Variants in PPP1CA observed in about 807,000 individuals in gnomAD.
PPP1CA encodes serine/threonine-protein phosphatase PP1-alpha catalytic subunit.
PPP1CA carries 14 observed loss-of-function variants against 38.5 expected under a neutral mutation model. The ratio of observed to expected loss-of-function variants is 0.36; its 90% CI spans 0.24 to 0.57. The LOEUF is 0.57. Among genes scored for constraint, PPP1CA ranks in the 20% least tolerant of loss-of-function variants. PPP1CA has a pLI of 0.80. For missense variants in PPP1CA, 277 were observed against 435.2 expected (o/e 0.64, Z 3.23); for synonymous variants, 200 against 177.3 (o/e 1.13, Z -1.02).
At chr11:67,401,403 C>T (rs1862885914) in intron 1 of PPP1CA, 2 of 863,990 alleles carry the variant, frequency 2.3e-6, no homozygotes, top group Admixed American at 2.9e-5. Context: ...CCTCGGGAGG[C>T]GACTGTCGTG....
At chr11:67,399,197 A>T (rs1862824634) in intron 4 of PPP1CA, 34 bp from the exon 5 acceptor site, 1 of 1,581,344 alleles carries the variant, frequency 6.3e-7, no homozygotes, top group African/African-American at 1.3e-5. Flanking sequence ...TTCCTCAAAC[A>T]AGGACATCCT....
chr11:67,401,840 G>T lies in PPP1CA; in HGVS notation c.-58C>A. 3.0e-6 allele frequency: 4 copies of T among 1,316,110 alleles called. No individual in the cohort carries two copies. Among genetic ancestry groups the T allele is most frequent in the Non-Finnish European group, 3.9e-6 (4 of 1,020,602 alleles). The allele number at this position is 1,316,110 out of a possible 1,614,324, so 81.5% of individuals were successfully genotyped here. A position where few individuals can be genotyped will look rare whatever the true frequency, so the allele number is the denominator to read the frequency against. The stretch of plus-strand genomic sequence containing the variant: ...GGCCCGCTCCTGCCTCCCGCCCTCC[G>T]GCAGCCTCCTTCCGGCCTGGCTCTC... On this transcript the variant is annotated 5_prime_UTR_variant, in exon 1 of 7. Coordinates refer to ENST00000376745, the MANE Select transcript of PPP1CA (RefSeq NM_002708.4).
intron 4 of PPP1CA, 42 bp from the exon 5 acceptor site, chr11:67,399,205 C>T (rs1862824956): frequency 4.5e-6 from 7 of 1,570,098 alleles, no homozygotes; most frequent in Non-Finnish European, 6.1e-6. Flanking sequence ...ACAAGGACAT[C>T]CTCCCTCCAG....
In PPP1CA at chr11:67,398,397, AG is replaced by A; in HGVS notation, c.*137del. On this transcript the variant is annotated 3_prime_UTR_variant, in exon 7 of 7. Coordinates refer to ENST00000376745, the MANE Select transcript of PPP1CA (RefSeq NM_002708.4). ...ACGCTGCTATTGATTCATTAAAAAAAGAAAAGAAAAATACACCAAGGCTCCA... is the reference window on the plus strand; with the variant it reads ...ACGCTGCTATTGATTCATTAAAAAAAAAAAGAAAAATACACCAAGGCTCCA... 8.0e-6 allele frequency: 7 copies of A among 876,244 alleles called. No individual in the cohort carries two copies. Among genetic ancestry groups the A allele is most frequent in the South Asian group, 1.8e-5 (1 of 56,690 alleles). The allele number at this position is 876,244 out of a possible 1,614,324, so 54.3% of individuals were successfully genotyped here.
chr11:67,401,589 G>T (rs1862892272), intron 1 of PPP1CA, 139 bp downstream of exon 1: 4 of 746,132 alleles, frequency 5.4e-6, no homozygotes, highest in South Asian at 5.3e-5. Flanking sequence ...CGTCCGCGGG[G>T]GGGCAGCTGC....
In PPP1CA at chr11:67,401,767, T is replaced by G. The variant is rs777809830; in HGVS notation, c.16A>C (p.Lys6Gln). Residue 6 changes from lysine to glutamine, a missense_variant, in exon 1 of 7, where the codon AAG (lysine) becomes CAG (glutamine). Coordinates refer to ENST00000376745, the MANE Select transcript of PPP1CA (RefSeq NM_002708.4). The stretch of plus-strand genomic sequence containing the variant: ...CCGATGATCGAGTCCAGGTTGAGCT[T>G]CTCGCTGTCGGACATGGCGGCGCCG... MSDSE[K>Q]LNLDSIIGRL... 72 of 1,477,500 alleles carry G rather than the reference T, an allele frequency of 4.9e-5. No homozygotes were observed. The highest frequency in any genetic ancestry group is 6.3e-5 in the Non-Finnish European group (70 of 1,105,028). 91.5% of individuals were successfully genotyped at this position (1,477,500 alleles called of 1,614,324 possible).
chr11:67,400,675 C>G lies in PPP1CA; in HGVS notation c.418+14G>C, dbSNP rs775601656. On this transcript the variant is annotated intron_variant, in intron 3 of 6. Transcript: ENST00000376745. ...TTCAGGACCCGGGCAGCCCCAGACG[C>G]TCAGACCACTCACACTCATCGTAGA... 12 of 1,612,850 alleles carry G rather than the reference C, an allele frequency of 7.4e-6. No homozygotes were observed. Among genetic ancestry groups the G allele is most frequent in the Non-Finnish European group, 1.0e-5 (12 of 1,179,544 alleles).
chr11:67,400,105 C>G (rs1267469027), intron 3 of PPP1CA, among the ~76,000 whole-genome samples: 3 of 152,240 alleles, frequency 2.0e-5, no homozygotes, highest in African/African-American at 7.2e-5. Flanking sequence ...CCATTGCACT[C>G]TAGCCTGGGC....
intron 3 of PPP1CA, among the ~76,000 whole-genome samples, chr11:67,400,250 C>A (rs765228620): frequency 6.6e-6 from 1 of 152,222 alleles, no homozygotes; most frequent in Non-Finnish European, 1.5e-5. Flanking sequence ...CCCGCCTCGG[C>A]CTCCTGCCAG....
intron 1 of PPP1CA, 163 bp downstream of exon 1, chr11:67,401,565 G>C (rs917255091): frequency 6.5e-6 from 4 of 616,890 alleles, no homozygotes; most frequent in Non-Finnish European, 9.8e-6. Context: ...AGCTGGCCCC[G>C]GACCTCTCAG....
chr11:67,398,652 G>GAGAC lies in PPP1CA; in HGVS notation c.883-11_883-8dup. ...TGTCGGCGGGCTTGAGGATCTAAAA[G>GAGAC]AGACAGTGTTGGTCAGGCTCATGGG... On this transcript the variant is annotated splice_polypyrimidine_tract_variant and splice_region_variant and intron_variant, in intron 6 of 6. Transcript: ENST00000376745. 6.2e-7 allele frequency: 1 copy of GAGAC among 1,614,018 alleles called. No homozygotes were observed. Among genetic ancestry groups the GAGAC allele is most frequent in the Non-Finnish European group, 8.5e-7 (1 of 1,179,940 alleles).
Position 67,401,826 on chromosome 11 carries a change from G to C in PPP1CA, c.-44C>G. 7.3e-7 allele frequency: 1 copy of C among 1,371,744 alleles called. No individual in the cohort carries two copies. Among genetic ancestry groups the C allele is most frequent in the Non-Finnish European group, 9.5e-7 (1 of 1,051,044 alleles). The allele number at this position is 1,371,744 out of a possible 1,614,324, so 85.0% of individuals were successfully genotyped here. On this transcript the variant is annotated 5_prime_UTR_variant, in exon 1 of 7. Transcript: ENST00000376745. ...GCCCAGCAGCTCCTGGCCCGCTCCT[G>C]CCTCCCGCCCTCCGGCAGCCTCCTT...
At chr11:67,398,695 A>C in intron 6 of PPP1CA, 27 bp downstream of exon 6, 2 of 1,613,178 alleles carry the variant, frequency 1.2e-6, no homozygotes, top group Non-Finnish European at 1.7e-6. Flanking sequence ...CACAGGGCCT[A>C]GCGGCTCCTT....
In PPP1CA at chr11:67,400,068, C is replaced by T. The variant is rs17881242; in HGVS notation, c.419-403G>A. On this transcript the variant is annotated intron_variant, in intron 3 of 6. Transcript: ENST00000376745. Reference sequence around the variant, plus strand: ...AGGAGAATCGCTTGAACCCAGGAGACGGAGGTTGTGGTGAGCCGAGATCAC... The same window carrying T: ...AGGAGAATCGCTTGAACCCAGGAGATGGAGGTTGTGGTGAGCCGAGATCAC... Among the ~76,000 whole-genome samples, 1,470 of 150,710 alleles carry T rather than the reference C, an allele frequency of 9.8e-3. 21 individuals carry two copies. The highest frequency in any genetic ancestry group is 0.034 in the African/African-American group (1,381 of 40,938).
chr11:67,401,305 C>T (rs1287026868), intron 1 of PPP1CA, 106 bp from the exon 2 acceptor site: 2 of 1,553,740 alleles, frequency 1.3e-6, no homozygotes, highest in Non-Finnish European at 1.8e-6. Flanking sequence ...TCCTCGGCCC[C>T]TCCTTGCCCA....
At chr11:67,400,638 CAA>C (rs1251097329) in intron 3 of PPP1CA, 49 bp downstream of exon 3, 33 of 1,546,014 alleles carry the variant, frequency 2.1e-5, no homozygotes, top group Non-Finnish European at 2.8e-5. Context: ...CACTGAATGG[CAA>C]AGAGTGCGGT....
chr11:67,400,539 G>C (rs1260537867), intron 3 of PPP1CA, 150 bp downstream of exon 3: 5 of 753,822 alleles, frequency 6.6e-6, no homozygotes, highest in Non-Finnish European at 1.1e-5. Flanking sequence ...GGAGGGGCAG[G>C]GCAGGCACGA....
intron 1 of PPP1CA, 66 bp from the exon 2 acceptor site, chr11:67,401,265 C>A: frequency 6.2e-7 from 1 of 1,601,810 alleles, no homozygotes; most frequent in Non-Finnish European, 8.5e-7. Context: ...CACGGGTGGC[C>A]CCATGGATAC....
At position 67,398,561 on chromosome 11, in the gene PPP1CA, G is replaced by A. The variant is rs753366655; in HGVS notation, c.967C>T (p.Arg323Cys). 26 of 1,613,946 alleles carry A rather than the reference G, an allele frequency of 1.6e-5. No homozygotes were observed. The highest frequency in any genetic ancestry group is 5.5e-5 in the South Asian group (5 of 91,088). Residue 323 changes from arginine (R) to cysteine (C), a missense_variant, in exon 7 of 7, where the codon CGC (arginine) becomes TGC (cysteine). Arg to Cys is a radical substitution (Grantham distance 180). This residue lies in a region of PPP1CA where 53 missense variants were observed against 51.1 expected (regional missense o/e 1.04). Coordinates refer to ENST00000376745, the MANE Select transcript of PPP1CA (RefSeq NM_002708.4). ...TATTTCTTGGCTTTGGCGGAATTGC[G>A]GGGTGGGGTGATGGGTCGGCCTCCA... ...NPGGRPITPP[R>C]NSAKAKK is the part of the protein sequence containing the mutation.
Sources: allele counts gnomAD v4.1 joint callset (sites outside exome capture counted in the v4.1 genomes callset), GRCh38; gene constraint gnomAD v4.1.1; regional missense constraint gnomAD v4.1.1; transcripts MANE v1.5; gene names NCBI Gene and HGNC (gene_info 2026-07-23, HGNC 2026-07-21).